The following RRAGB variants were observed in gnomAD, a reference collection of about 807,000 sequenced individuals.
RRAGB encodes Ras related GTP binding B, also known as ras-related GTP-binding protein B.
A neutral mutation model predicts 29.3 loss-of-function variants in RRAGB; 6 were observed. The observed-to-expected ratio is 0.21, with a 90% confidence interval of 0.11 to 0.40. The LOEUF (loss-of-function observed/expected upper bound fraction) is 0.40, where lower values mean the gene tolerates loss of function less well. Among genes scored for constraint, RRAGB ranks in the 10% least tolerant of loss-of-function variants. The probability of loss-of-function intolerance (pLI) is 1.00; values close to 1 mark genes in which losing one functional copy is unlikely to be tolerated. For missense variants in RRAGB, 184 were observed against 272.9 expected, an observed-to-expected ratio of 0.67 and a Z score of 2.29; for synonymous variants, 101 against 92.5, an observed-to-expected ratio of 1.09 and a Z score of -0.53.
intron 5 of RRAGB, among the ~76,000 whole-genome samples, chrX:55,736,239 A>T (rs1028942578): frequency 1.8e-5 from 2 of 111,960 alleles, no homozygotes; most frequent in African/African-American, 6.5e-5. Context: ...AACACCTGTG[A>T]TTCTTAGATT....
intron 2 of RRAGB, among the ~76,000 whole-genome samples, chrX:55,719,861 G>T (rs1159449365): frequency 8.9e-6 from 1 of 112,283 alleles, no homozygotes; most frequent in Non-Finnish European, 1.9e-5. Flanking sequence ...CTACGTTGGG[G>T]TTTAGGCAGA....
intron 5 of RRAGB, among the ~76,000 whole-genome samples, chrX:55,734,280 T>A (rs1440661250): frequency 9.1e-6 from 1 of 109,309 alleles, no homozygotes. Context: ...TTTTTTTTTT[T>A]ATTACTGATT....
chrX:55,749,843 C>G (rs960897757), intron 5 of RRAGB, among the ~76,000 whole-genome samples: 3 of 107,216 alleles, frequency 2.8e-5, no homozygotes, highest in African/African-American at 1.0e-4. Flanking sequence ...GCAGCATGCT[C>G]GTTAAGAGTC....
chrX:55,755,542 A>G, intron 7 of RRAGB: 1 of 740,290 alleles, frequency 1.4e-6, no homozygotes. Flanking sequence ...CATGCGAAAT[A>G]TTGAAATAAA....
intron 4 of RRAGB, among the ~76,000 whole-genome samples, chrX:55,729,897 T>C (rs1410264537): frequency 8.9e-6 from 1 of 112,384 alleles, no homozygotes; most frequent in Non-Finnish European, 1.9e-5. Flanking sequence ...CTATGGTGCA[T>C]CTCTGTGCTG....
intron 3 of RRAGB, among the ~76,000 whole-genome samples, chrX:55,723,905 C>T (rs2033384277): frequency 8.9e-6 from 1 of 112,120 alleles, no homozygotes; most frequent in Non-Finnish European, 1.9e-5. Context: ...ATGTCCAGCT[C>T]TTCCATCTAT....
intron 4 of RRAGB, among the ~76,000 whole-genome samples, chrX:55,730,874 A>C (rs991274923): frequency 9.0e-5 from 10 of 110,829 alleles, no homozygotes; most frequent in Non-Finnish European, 1.9e-4. Flanking sequence ...TGCTTAGTGG[A>C]TTGACCTGTC....
At chrX:55,755,717 G>A in intron 7 of RRAGB, 124 bp from the exon 8 acceptor site, 16 of 1,088,215 alleles carry the variant, frequency 1.5e-5, no homozygotes, top group African/African-American at 1.9e-5. Context: ...GAGACAATAA[G>A]CCAGGTGCCA....
chrX:55,742,591 C>T (rs1473771176), intron 5 of RRAGB, among the ~76,000 whole-genome samples: 2 of 111,920 alleles, frequency 1.8e-5, no homozygotes, highest in Non-Finnish European at 3.8e-5. Context: ...GCTTGAGGGA[C>T]CCAAGGTGGC....
chrX:55,718,896 T>C (rs926618988), intron 1 of RRAGB, among the ~76,000 whole-genome samples: 1 of 111,770 alleles, frequency 8.9e-6, no homozygotes, highest in African/African-American at 3.3e-5. Flanking sequence ...ATTTTAAAAT[T>C]AGGAGGCTGA....
intron 3 of RRAGB, chrX:55,727,472 CTTTATGTATGATAA>C (rs2033520252): frequency 4.1e-6 from 2 of 489,696 alleles, no homozygotes; most frequent in African/African-American, 4.8e-5. Context: ...GTGCCAGGCA[CTTTATGTATGATAA>C]TTCATTGAAT....
intron 2 of RRAGB, 75 bp downstream of exon 2, chrX:55,719,422 A>G: frequency 2.7e-6 from 2 of 750,156 alleles, no homozygotes; most frequent in African/African-American, 2.2e-5. Flanking sequence ...TGTGACATAT[A>G]TACACCATCT....
intron 5 of RRAGB, among the ~76,000 whole-genome samples, chrX:55,733,661 T>G (rs757185402): frequency 8.9e-6 from 1 of 112,642 alleles, no homozygotes; most frequent in Non-Finnish European, 1.9e-5. Context: ...GCCCACTTGA[T>G]CTTGGTGAAT....
chrX:55,727,481 T>G, intron 3 of RRAGB: 1 of 474,627 alleles, frequency 2.1e-6, no homozygotes, highest in Non-Finnish European at 3.8e-6. Flanking sequence ...ACTTTATGTA[T>G]GATAATTCAT....
At chrX:55,731,719 C>A in intron 5 of RRAGB, 133 bp downstream of exon 5, 1 of 440,548 alleles carries the variant, frequency 2.3e-6, no homozygotes, top group South Asian at 4.2e-5. Context: ...AAAGTTTTGT[C>A]ATTTACTTTA....
rs750569570 is a variant in RRAGB, at chrX:55,745,730, C to T, written c.517-5371C>T. Among the ~76,000 whole-genome samples the T allele has an allele frequency of 1.4e-3, 154 of 112,084 alleles. 1 individual carries two copies. The highest frequency in any genetic ancestry group is 6.2e-4 in the Non-Finnish European group (33 of 53,221). ...TCTAATGGGTTCCACCTGGCTTTTCCACCACAACAGCCTGCACTCCACAGG... is the reference window on the plus strand; with the variant it reads ...TCTAATGGGTTCCACCTGGCTTTTCTACCACAACAGCCTGCACTCCACAGG... On this transcript the variant is annotated intron_variant, in intron 5 of 9. Coordinates refer to ENST00000374941, the MANE Select transcript of RRAGB (RefSeq NM_006064.5).
chrX:55,755,003 G>C, intron 7 of RRAGB: 8 of 595,299 alleles, frequency 1.3e-5, no homozygotes, highest in Non-Finnish European at 1.6e-5. Flanking sequence ...TGGTTGTAGA[G>C]GTTAACCTAA....
chrX:55,746,461 C>T (rs980105830), intron 5 of RRAGB, among the ~76,000 whole-genome samples: 2 of 111,560 alleles, frequency 1.8e-5, no homozygotes, highest in Non-Finnish European at 3.8e-5. Context: ...CAACTACTCC[C>T]GTCGCATTTA....
intron 6 of RRAGB, chrX:55,752,110 C>A: frequency 5.2e-4 from 133 of 254,384 alleles, no homozygotes; most frequent in Non-Finnish European, 6.6e-4. Flanking sequence ...TTTTTTTTAA[C>A]TAATTCATTT....
Sources: gnomAD v4.1 joint callset for allele counts (sites outside exome capture counted in the v4.1 genomes callset) on GRCh38, gnomAD v4.1.1 for gene constraint, MANE v1.5 for transcripts, NCBI Gene and HGNC (gene_info 2026-07-23, HGNC 2026-07-21) for gene names.